The following ADAMTS18 variants were observed in gnomAD, a reference collection of about 807,000 sequenced individuals.
The protein encoded by ADAMTS18 is A disintegrin and metalloproteinase with thrombospondin motifs 18.
ADAMTS18 carries 157 observed loss-of-function variants against 165.9 expected under a neutral mutation model. The observed-to-expected ratio is 0.95, with a 90% CI of 0.83 to 1.08. ADAMTS18 has a LOEUF of 1.08. Ranked by LOEUF, ADAMTS18 falls within the 50% of genes least tolerant of loss-of-function variation. ADAMTS18 has a pLI of 0.00. For synonymous variants in ADAMTS18, 782 were observed against 578.2 expected, an observed-to-expected ratio of 1.35 and a Z score of -5.06; for missense variants, 2,040 against 1,534.0, an observed-to-expected ratio of 1.33 and a Z score of -5.51.
chr16:77,431,765 C>T (rs770936385), intron 2 of ADAMTS18, 154 bp from the exon 3 acceptor site: 2 of 801,670 alleles, frequency 2.5e-6, no homozygotes, highest in Non-Finnish European at 4.2e-6. Flanking sequence ...GCAGCACAGG[C>T]AGCAGAAGAC....
In ADAMTS18 at chr16:77,335,433, G is replaced by A. The variant is rs374933267; in HGVS notation, c.1859+323C>T. ...TCTAGTATTCAGTAGCACAAATAGG[G>A]TGACTATAGTTAACAATTCATTGTA... On this transcript the variant is annotated intron_variant, in intron 12 of 22. Transcript: ENST00000282849. 5.9e-5 allele frequency among the ~76,000 whole-genome samples: 9 copies of A among 151,944 alleles called. No homozygotes were observed. The East Asian group carries it at 1.6e-3, about 26-fold the overall frequency.
At chr16:77,387,562 C>G (rs181153473) in intron 3 of ADAMTS18, among the ~76,000 whole-genome samples, 5 of 152,326 alleles carry the variant, frequency 3.3e-5, no homozygotes, top group African/African-American at 1.2e-4. Flanking sequence ...TATCCCTTTT[C>G]ATTTTAATGT....
At position 77,359,371 on chromosome 16, in the gene ADAMTS18, A is replaced by G. The variant is rs1385339208; in HGVS notation, c.1269T>C (p.Asn423=). The G allele has an allele frequency of 6.2e-7, 1 of 1,614,048 alleles. No homozygotes were observed. Among genetic ancestry groups the G allele is most frequent in the Non-Finnish European group, 8.5e-7 (1 of 1,180,030 alleles). Residue 423 remains asparagine, a synonymous_variant, in exon 8 of 23, where the codon AAT becomes AAC. Coordinates refer to ENST00000282849, the MANE Select transcript of ADAMTS18 (RefSeq NM_199355.4). ...AGGCAAGGCCAAGTCCTGTGTCCTCATTGATGGTACAACTTCGGTACTTAG... is the reference window on the plus strand; with the variant it reads ...AGGCAAGGCCAAGTCCTGTGTCCTCGTTGATGGTACAACTTCGGTACTTAG... ...MCSKYRSCTI[N]EDTGLGLAFT...
At chr16:77,419,897 G>A (rs1266853041) in intron 3 of ADAMTS18, among the ~76,000 whole-genome samples, 2 of 149,854 alleles carry the variant, frequency 1.3e-5, no homozygotes, top group Non-Finnish European at 3.0e-5. Flanking sequence ...TACTTGGGAG[G>A]CCGAGGCAGG....
intron 14 of ADAMTS18, among the ~76,000 whole-genome samples, chr16:77,321,618 G>A (rs1249369941): frequency 1.3e-5 from 2 of 152,116 alleles, no homozygotes; most frequent in Non-Finnish European, 2.9e-5. Flanking sequence ...AGCACTCAAA[G>A]TGAAAGGAAA....
At chr16:77,389,112 C>A (rs187763520) in intron 3 of ADAMTS18, among the ~76,000 whole-genome samples, 99 of 152,194 alleles carry the variant, frequency 6.5e-4, no homozygotes, top group Middle Eastern at 6.8e-3. Flanking sequence ...GCAGCCTGGG[C>A]AACATGGCGA....
chr16:77,328,146 T>C (rs1258776142), intron 12 of ADAMTS18, among the ~76,000 whole-genome samples: 5 of 152,118 alleles, frequency 3.3e-5, no homozygotes, highest in Non-Finnish European at 7.3e-5. Flanking sequence ...CTTTAAGATC[T>C]TGGTAGGCAG....
chr16:77,294,854 A>G lies in ADAMTS18; in HGVS notation c.3006+69T>C, dbSNP rs561733123. 13 of 1,464,124 alleles carry G rather than the reference A, an allele frequency of 8.9e-6. No homozygotes were observed. In the South Asian group the frequency reaches 1.3e-4, roughly 14 times the overall value. 90.7% of individuals were successfully genotyped at this position (1,464,124 alleles called of 1,614,324 possible). ...GTAAACTGCCAAGAGCCCAGTGGAG[A>G]GCAAAGACACCTCTACTTTTGCCTT... On this transcript the variant is annotated intron_variant, in intron 19 of 22. Transcript: ENST00000282849.
chr16:77,422,945 C>T (rs1375855912), intron 3 of ADAMTS18, among the ~76,000 whole-genome samples: 1 of 152,180 alleles, frequency 6.6e-6, no homozygotes, highest in East Asian at 1.9e-4. Flanking sequence ...CAGGCAGTCT[C>T]GTTTCCACTG....
At chr16:77,397,393 A>G (rs2057272389) in intron 3 of ADAMTS18, among the ~76,000 whole-genome samples, 1 of 152,218 alleles carries the variant, frequency 6.6e-6, no homozygotes, top group African/African-American at 2.4e-5. Context: ...TATAATTAAT[A>G]TAACTTTTCC....
At chr16:77,331,786 A>AT (rs2144662626) in intron 12 of ADAMTS18, among the ~76,000 whole-genome samples, 1 of 152,304 alleles carries the variant, frequency 6.6e-6, no homozygotes, top group East Asian at 1.9e-4. Context: ...GCCCATGTCA[A>AT]TAGTGCTGAC....
Position 77,295,127 on chromosome 16 carries a change from G to C in ADAMTS18, c.2802C>G (p.Tyr934Ter), listed in dbSNP as rs2055444465. The C allele has an allele frequency of 6.2e-7, 1 of 1,614,016 alleles. No homozygotes were observed. The highest frequency in any genetic ancestry group is 1.1e-5 in the South Asian group (1 of 91,094). ...KICNAFSCPA[Y>*]WMPGEWSTCS... ...ATGTACTCCATTCACCTGGCATCCA[G>C]CTTTCAGTGCAAAACAAACATTACC... The change falls in exon 19 of 23, where the codon TAC becomes TAG. Residue 934 changes from tyrosine (Y) to a stop codon, truncating the protein, a stop_gained and splice_region_variant. Coordinates refer to ENST00000282849, the MANE Select transcript of ADAMTS18 (RefSeq NM_199355.4). LOFTEE classifies it high-confidence loss of function.
intron 3 of ADAMTS18, among the ~76,000 whole-genome samples, chr16:77,391,473 C>G (rs559853250): frequency 1.3e-4 from 19 of 147,470 alleles, no homozygotes; most frequent in Middle Eastern, 3.5e-3. Flanking sequence ...GCCTGGGCAA[C>G]AGCGCAAGAC....
Position 77,362,807 on chromosome 16 carries a change from G to T in ADAMTS18, c.1057-543C>A, listed in dbSNP as rs553072582. Among the ~76,000 whole-genome samples the T allele has an allele frequency of 5.9e-5, 9 of 152,324 alleles. No homozygotes were observed. The East Asian group carries it at 1.7e-3, about 29-fold the overall frequency. On this transcript the variant is annotated intron_variant, in intron 6 of 22. Transcript: ENST00000282849. ...GTCAAATGTTTGCTTGGTCAAAGCTGTTGACTTGGCCAAGTTGAAGGTTTT... is the reference window on the plus strand; with the variant it reads ...GTCAAATGTTTGCTTGGTCAAAGCTTTTGACTTGGCCAAGTTGAAGGTTTT...
At position 77,355,989 on chromosome 16, in the gene ADAMTS18, C is replaced by T. The variant is rs1449293732; in HGVS notation, c.1411G>A (p.Val471Met). ...CGGCTGCAGGAAGACCATGAAAACA[C>T]TCCATTGTTTCCGGTCAGTGTGGGA... ...MSPTLTGNNG[V>M]FSWSSCSRQY... The change falls in exon 9 of 23, where the codon GTG (valine) becomes ATG (methionine). Residue 471 changes from valine to methionine, a missense_variant. Coordinates refer to ENST00000282849, the MANE Select transcript of ADAMTS18 (RefSeq NM_199355.4). The T allele has an allele frequency of 1.2e-6, 2 of 1,614,002 alleles. No homozygotes were observed. Among genetic ancestry groups the T allele is most frequent in the East Asian group, 2.2e-5 (1 of 44,880 alleles).
At chr16:77,378,183 G>A (rs987455813) in intron 3 of ADAMTS18, among the ~76,000 whole-genome samples, 3 of 152,052 alleles carry the variant, frequency 2.0e-5, no homozygotes, top group Admixed American at 1.3e-4. Context: ...TTAGCCAGGT[G>A]TGTGTGGTGG....
At chr16:77,290,999 C>T in intron 21 of ADAMTS18, 1 of 414,728 alleles carries the variant, frequency 2.4e-6, no homozygotes, top group Non-Finnish European at 4.4e-6. Context: ...TATAACTGGC[C>T]TGGTGGTAAG....
chr16:77,354,025 C>T (rs2056593930), intron 9 of ADAMTS18, 139 bp from the exon 10 acceptor site: 1 of 1,088,010 alleles, frequency 9.2e-7, no homozygotes, highest in African/African-American at 1.5e-5. Flanking sequence ...AAGTTCAAAT[C>T]TATGTTTATG....
intron 10 of ADAMTS18, among the ~76,000 whole-genome samples, chr16:77,346,579 G>A (rs557581074): frequency 3.3e-5 from 5 of 152,196 alleles, no homozygotes; most frequent in African/African-American, 9.6e-5. Context: ...GCCACATGAC[G>A]AAAGTATGAC....
Sources: allele counts gnomAD v4.1 joint callset (sites outside exome capture counted in the v4.1 genomes callset), GRCh38; gene constraint gnomAD v4.1.1; transcripts MANE v1.5; gene names NCBI Gene and HGNC (gene_info 2026-07-23, HGNC 2026-07-21).